The following KHDC1 variants were observed in gnomAD, a reference collection of about 807,000 sequenced individuals.
KHDC1 encodes the protein KH domain containing 1.
Under a neutral mutation model 24.7 loss-of-function variants are expected in KHDC1, and 21 were observed. The ratio of observed to expected loss-of-function variants is 0.85; its 90% CI spans 0.60 to 1.23. The LOEUF is 1.23. Ranked by LOEUF, KHDC1 falls within the 50% of genes most tolerant of loss-of-function variation. KHDC1 has a pLI of 0.00. For missense variants in KHDC1, 274 were observed against 298.5 expected, an observed-to-expected ratio of 0.92 and a Z score of 0.61; for synonymous variants, 98 against 111.7, an observed-to-expected ratio of 0.88 and a Z score of 0.77.
At chr6:73,302,510 A>G (rs1465587637) in intron 1 of KHDC1, among the ~76,000 whole-genome samples, 1 of 152,326 alleles carries the variant, frequency 6.6e-6, no homozygotes, top group East Asian at 1.9e-4. Flanking sequence ...CCTGTATGGC[A>G]TATTATACAA....
intron 1 of KHDC1, chr6:73,292,268 C>G (rs1377470048): frequency 4.6e-6 from 6 of 1,302,546 alleles, no homozygotes; most frequent in African/African-American, 2.9e-5. Flanking sequence ...AACGACAAGG[C>G]AAATGCGGTC....
chr6:73,298,193 T>C (rs971927363), intron 1 of KHDC1, among the ~76,000 whole-genome samples: 14 of 152,084 alleles, frequency 9.2e-5, no homozygotes, highest in Admixed American at 9.2e-4. Context: ...CAATCATTCC[T>C]AGGGACCAGG....
chr6:73,275,630 T>G (rs1459287535), intron 2 of KHDC1: 1 of 167,230 alleles, frequency 6.0e-6, no homozygotes, highest in Admixed American at 6.5e-5. Flanking sequence ...TGGCTCACCC[T>G]AAACCACCCG....
At chr6:73,263,254 C>G (rs1254979475) in intron 2 of KHDC1, 58 bp from the exon 1 acceptor site, 4 of 985,882 alleles carry the variant, frequency 4.1e-6, no homozygotes, top group Non-Finnish European at 4.8e-6. Context: ...CAGAGCCCTC[C>G]TCCCGCCTGC....
intron 2 of KHDC1, among the ~76,000 whole-genome samples, chr6:73,267,897 C>T (rs1424635221): frequency 6.6e-6 from 1 of 151,792 alleles, no homozygotes; most frequent in Non-Finnish European, 1.5e-5. Flanking sequence ...AGTGCGATGG[C>T]ACAATCTCAG....
Position 73,244,710 on chromosome 6 carries a change from G to T in KHDC1, c.207-2180C>A, listed in dbSNP as rs867077406. On this transcript the variant is annotated intron_variant, in intron 2 of 4. Coordinates refer to ENST00000370384, the Ensembl canonical transcript of KHDC1. ...GGAGGTGGGCGGGGGGGCGGGGGGG[G>T]GCTCCGTAAGCCAAGATTTTGAGAC... is the stretch of plus-strand genomic sequence containing the variant. Among the ~76,000 whole-genome samples the T allele has an allele frequency of 3.2e-3, 458 of 143,354 alleles. 3 individuals are homozygous for T. The highest frequency in any genetic ancestry group is 0.011 in the African/African-American group (421 of 39,296). The allele number at this position is 143,354 out of a possible 152,430, so 94.0% of individuals were successfully genotyped here.
rs182780658 is a variant in KHDC1 at position 73,292,359 on chromosome 6, C to G, written c.164-319G>C. 117 of 815,228 alleles carry G rather than the reference C, an allele frequency of 1.4e-4. No individual in the cohort carries two copies. In the African/African-American group the frequency reaches 1.9e-3, roughly 13 times the overall value. The allele number at this position is 815,228 out of a possible 1,614,324, so 50.5% of individuals were successfully genotyped here. A position where few individuals can be genotyped will look rare whatever the true frequency, so the allele number is the denominator to read the frequency against. On this transcript the variant is annotated intron_variant, in intron 1 of 4. Transcript: ENST00000370384. ...CAGGAGTATTTAGATACATTCTACACATATGCAAAATTCCAGTATGAATGT... is the reference window on the plus strand; with the variant it reads ...CAGGAGTATTTAGATACATTCTACAGATATGCAAAATTCCAGTATGAATGT...
intron 2 of KHDC1, among the ~76,000 whole-genome samples, chr6:73,273,696 G>T (rs897067255): frequency 1.3e-5 from 2 of 151,940 alleles, no homozygotes; most frequent in African/African-American, 2.4e-5. Flanking sequence ...GGCGCCTGTA[G>T]TCCCAGCAAC....
intron 2 of KHDC1, among the ~76,000 whole-genome samples, chr6:73,272,121 T>G (rs1415467287): frequency 1.3e-5 from 2 of 151,694 alleles, no homozygotes; most frequent in Non-Finnish European, 2.9e-5. Flanking sequence ...AAAAAACTTT[T>G]GATCATGCAA....
intron 2 of KHDC1, among the ~76,000 whole-genome samples, chr6:73,247,555 T>C (rs895630060): frequency 3.9e-5 from 6 of 152,048 alleles, no homozygotes; most frequent in African/African-American, 1.4e-4. Context: ...AGACATCCAT[T>C]TGAAACAATC....
chr6:73,293,480 T>C (rs1767697602), intron 1 of KHDC1, among the ~76,000 whole-genome samples: 1 of 152,220 alleles, frequency 6.6e-6, no homozygotes, highest in Non-Finnish European at 1.5e-5. Flanking sequence ...CACATGTAGT[T>C]GTAAGAAGTT....
chr6:73,241,976 C>A, intron 4 of KHDC1, 79 bp downstream of exon 3: 1 of 1,439,124 alleles, frequency 6.9e-7, no homozygotes, highest in South Asian at 1.4e-5. Flanking sequence ...AGGGATTCTT[C>A]AAGAATCCAA....
chr6:73,242,609 C>G, intron 2 of KHDC1, 79 bp from the exon 2 acceptor site: 1 of 1,582,502 alleles, frequency 6.3e-7, no homozygotes, highest in East Asian at 2.3e-5. Flanking sequence ...AGGCTCTGTC[C>G]TTAACATAGG....
chr6:73,277,871 A>C (rs1767326763), intron 2 of KHDC1, among the ~76,000 whole-genome samples: 1 of 151,906 alleles, frequency 6.6e-6, no homozygotes, highest in Admixed American at 6.6e-5. Context: ...CTCAAAAAAA[A>C]AAAAAAATCA....
At position 73,292,915 on chromosome 6, in the gene KHDC1, G is replaced by C. The variant is rs151318517; in HGVS notation, c.164-875C>G. 316 of 815,902 alleles carry C rather than the reference G, an allele frequency of 3.9e-4. 2 individuals are homozygous for C. The East Asian group carries it at 8.6e-3, about 22-fold the overall frequency. The allele number at this position is 815,902 out of a possible 1,614,324, so 50.5% of individuals were successfully genotyped here. Reference sequence around the variant, plus strand: ...AATCAGTGCTTGTGAACGACTTCTTGGTGGCTTGTCTTAAGGATTTCATTG... The same window carrying C: ...AATCAGTGCTTGTGAACGACTTCTTCGTGGCTTGTCTTAAGGATTTCATTG... On this transcript the variant is annotated intron_variant, in intron 1 of 4. Coordinates refer to ENST00000370384, the Ensembl canonical transcript of KHDC1.
intron 2 of KHDC1, 59 bp from the exon 2 acceptor site, chr6:73,242,589 G>A (rs942509481): frequency 7.5e-6 from 12 of 1,609,962 alleles, no homozygotes; most frequent in Non-Finnish European, 1.0e-5. Flanking sequence ...GGAAAAGTGA[G>A]GGAGGGCCTA....
intron 2 of KHDC1, among the ~76,000 whole-genome samples, chr6:73,281,617 C>CAA (rs58163019): frequency 9.6e-5 from 9 of 93,682 alleles, no homozygotes; most frequent in East Asian, 3.0e-4. Flanking sequence ...AACTTCGTCT[C>CAA]AAAAAAAAAA....
At chr6:73,309,848 G>A (rs890855509) in exon 1 of KHDC1, 1 of 1,030,174 alleles carries the variant, frequency 9.7e-7, no homozygotes, top group Non-Finnish European at 1.4e-6. Flanking sequence ...GCGAAGGAAA[G>A]GGCCACTTCG....
chr6:73,300,513 T>C (rs1263277579), intron 1 of KHDC1: 2 of 152,206 alleles, frequency 1.3e-5, no homozygotes, highest in Non-Finnish European at 2.9e-5. Context: ...CAGACATTAT[T>C]AATGCCTGTT....
Sources: gnomAD v4.1 joint callset for allele counts (sites outside exome capture counted in the v4.1 genomes callset) on GRCh38, gnomAD v4.1.1 for gene constraint, MANE v1.5 for transcripts, NCBI Gene and HGNC (gene_info 2026-07-23, HGNC 2026-07-21) for gene names.